ABCA4: variants seen among roughly 807,000 people sequenced by gnomAD.
ABCA4 encodes the protein retinal-specific phospholipid-transporting ATPase ABCA4.
In ABCA4, 196 loss-of-function variants were observed where a neutral mutation model predicts 263.7. The observed-to-expected ratio is 0.74, with a 90% CI of 0.66 to 0.84. The LOEUF (loss-of-function observed/expected upper bound fraction) is 0.84, where lower values mean the gene tolerates loss of function less well. ABCA4 is among the 40% of genes least tolerant of loss of function. The probability of loss-of-function intolerance (pLI) is 0.00; values close to 1 mark genes in which losing one functional copy is unlikely to be tolerated. For synonymous variants in ABCA4, 1,133 were observed against 1,094.2 expected, an observed-to-expected ratio of 1.04 and a Z score of -0.70; for missense variants, 2,792 against 2,855.1, an observed-to-expected ratio of 0.98 and a Z score of 0.50.
intron 7 of ABCA4, among the ~76,000 whole-genome samples, chr1:94,080,971 T>A (rs1469932638): frequency 6.6e-6 from 1 of 152,092 alleles, no homozygotes; most frequent in East Asian, 1.9e-4. Flanking sequence ...ATGCCTGTAA[T>A]CCTAGCACTT....
intron 6 of ABCA4, among the ~76,000 whole-genome samples, chr1:94,086,564 A>T (rs1397405230): frequency 6.6e-6 from 1 of 152,062 alleles, no homozygotes; most frequent in Admixed American, 6.5e-5. Flanking sequence ...TTTTTAAGAC[A>T]ACGAAGTAGT....
Position 94,098,956 on chromosome 1 carries a change from G to A in ABCA4, c.606C>T (p.Asp202=), listed in dbSNP as rs199745422. 57 of 1,611,718 alleles carry A rather than the reference G, an allele frequency of 3.5e-5. No individual in the cohort carries two copies. The highest frequency in any genetic ancestry group is 5.5e-5 in the South Asian group (5 of 91,076). Residue 202 remains aspartate (D), a synonymous_variant, in exon 6 of 50, where the codon GAC becomes GAT. Coordinates refer to ENST00000370225, the MANE Select transcript of ABCA4 (RefSeq NM_000350.3). The part of the protein sequence containing the change: ...AHGVPDLALK[D]IACSEALLER... Reference sequence around the variant, plus strand: ...CCAGGAGGGCCTCGCTGCAGGCGATGTCCTTCAGCGCCAGGTCCGGGACTC... The same window carrying A: ...CCAGGAGGGCCTCGCTGCAGGCGATATCCTTCAGCGCCAGGTCCGGGACTC...
Position 94,047,033 on chromosome 1 carries a change from ACC to A in ABCA4, c.2802_2803del (p.Val935LysfsTer4). 6.2e-7 allele frequency: 1 copy of A among 1,614,126 alleles called. No individual in the cohort carries two copies. The highest frequency in any genetic ancestry group is 8.5e-7 in the Non-Finnish European group (1 of 1,180,024). On this transcript the variant is annotated frameshift_variant, in exon 19 of 50. Coordinates refer to ENST00000370225, the MANE Select transcript of ABCA4 (RefSeq NM_000350.3). LOFTEE classifies it high-confidence loss of function. ...CCGGCCACAGGGCTCAAAAATCTTT[ACC>A]AGATTCTTCACGCATACCCCAGGAA... is the stretch of plus-strand genomic sequence containing the variant.
In ABCA4 at chr1:94,099,727, G is replaced by A. The variant is rs144320344; in HGVS notation, c.571-736C>T. On this transcript the variant is annotated intron_variant, in intron 5 of 49. Transcript: ENST00000370225. ...TACAAATATGTCCCAAATAGGGACC[G>A]AATAGAACACAATTATTTGAAAAAA... Among the ~76,000 whole-genome samples the A allele has an allele frequency of 3.2e-4, 48 of 152,324 alleles. 1 individual carries two copies. Among genetic ancestry groups the A allele is most frequent in the Middle Eastern group, 3.4e-3 (1 of 294 alleles).
intron 20 of ABCA4, 133 bp downstream of exon 20, chr1:94,044,480 G>A: frequency 7.2e-7 from 1 of 1,383,514 alleles, no homozygotes; most frequent in South Asian, 1.2e-5. Context: ...TTTAAACATA[G>A]GGGAAACCAA....
Position 94,041,319 on chromosome 1 carries a change from G to C in ABCA4, c.3412C>G (p.Leu1138Val). ...AAGAGTGGGGTGCCTGAGCAGTAGA[G>C]CCTTCCCTGGGCAATGATGGCAATG... ...DRIAIIAQGR[L>V]YCSGTPLFLK... Residue 1138 changes from leucine to valine, a missense_variant, in exon 23 of 50, where the codon CTC (leucine) becomes GTC (valine). Leu to Val is a conservative substitution (Grantham distance 32, BLOSUM62 1). Coordinates refer to ENST00000370225, the MANE Select transcript of ABCA4 (RefSeq NM_000350.3). 6.2e-7 allele frequency: 1 copy of C among 1,614,122 alleles called. No homozygotes were observed. The highest frequency in any genetic ancestry group is 8.5e-7 in the Non-Finnish European group (1 of 1,180,014).
intron 26 of ABCA4, among the ~76,000 whole-genome samples, chr1:94,032,324 T>C (rs1002342622): frequency 4.6e-5 from 7 of 152,164 alleles, no homozygotes; most frequent in African/African-American, 7.2e-5. Flanking sequence ...AAGTTTAAAA[T>C]ACGTAACTTG....
intron 4 of ABCA4, among the ~76,000 whole-genome samples, chr1:94,103,908 T>C (rs1662351077): frequency 6.6e-6 from 1 of 152,108 alleles, no homozygotes; most frequent in Non-Finnish European, 1.5e-5. Flanking sequence ...GGAAGCAGGG[T>C]TTCTTTATAA....
Position 94,015,812 on chromosome 1 carries a change from T to C in ABCA4, c.5239A>G (p.Ile1747Val), listed in dbSNP as rs745658425. The C allele has an allele frequency of 1.9e-6, 3 of 1,613,846 alleles. No individual in the cohort carries two copies. Among genetic ancestry groups the C allele is most frequent in the Middle Eastern group, 1.6e-4 (1 of 6,084 alleles). ...VSAGLVVGIF[I>V]GFQKKAYTSP... is the part of the protein sequence containing the mutation. ...GTGTAGGCTTTCTTCTGAAACCCGA[T>C]GAAGATGCCCACCACCAGCCCAGCA... The change falls in exon 37 of 50, where the codon ATC becomes GTC. Residue 1747 changes from isoleucine to valine, a missense_variant. Physicochemically the swap from Ile to Val is conservative, Grantham distance 29 (BLOSUM62 3). Coordinates refer to ENST00000370225, the MANE Select transcript of ABCA4 (RefSeq NM_000350.3).
At chr1:94,008,164 T>G in intron 42 of ABCA4, 71 bp downstream of exon 42, 1 of 1,382,202 alleles carries the variant, frequency 7.2e-7, no homozygotes, top group Non-Finnish European at 1.0e-6. Flanking sequence ...AGCTCTGCCT[T>G]ATGGGGAGGA....
intron 38 of ABCA4, among the ~76,000 whole-genome samples, chr1:94,014,192 AGAAAGAAG>A (rs1157820681): frequency 2.7e-5 from 4 of 147,066 alleles, no homozygotes; most frequent in African/African-American, 5.3e-5. Flanking sequence ...GAAAGAAGGA[AGAAAGAAG>A]GAAGGATGGA....
intron 4 of ABCA4, among the ~76,000 whole-genome samples, chr1:94,104,322 TG>T (rs1662363066): frequency 6.6e-6 from 1 of 152,194 alleles, no homozygotes; most frequent in Non-Finnish European, 1.5e-5. Flanking sequence ...TTCAGGGGCA[TG>T]GGTGACTGTT....
chr1:94,102,928 A>T, intron 5 of ABCA4, 87 bp downstream of exon 5: 1 of 1,573,178 alleles, frequency 6.4e-7, no homozygotes, highest in Non-Finnish European at 8.7e-7. Flanking sequence ...AGGAAGAAAG[A>T]AGAAAAAAGC....
At chr1:94,006,943 C>T (rs1318358961) in intron 43 of ABCA4, among the ~76,000 whole-genome samples, 1 of 152,238 alleles carries the variant, frequency 6.6e-6, no homozygotes, top group Admixed American at 6.5e-5. Flanking sequence ...TGAGTGAGAG[C>T]TCATCCTCTC....
At chr1:94,099,830 G>C (rs1051647509) in intron 5 of ABCA4, among the ~76,000 whole-genome samples, 1 of 152,226 alleles carries the variant, frequency 6.6e-6, no homozygotes, top group African/African-American at 2.4e-5. Flanking sequence ...AAGCCCTGCA[G>C]AGTGCACATT....
chr1:94,090,541 T>C (rs998307094), intron 6 of ABCA4, among the ~76,000 whole-genome samples: 2 of 152,032 alleles, frequency 1.3e-5, no homozygotes, highest in Non-Finnish European at 2.9e-5. Flanking sequence ...TACCTCACCT[T>C]CTCCAGAAAG....
intron 44 of ABCA4, among the ~76,000 whole-genome samples, chr1:94,002,768 A>G (rs1407475804): frequency 6.6e-6 from 1 of 152,010 alleles, no homozygotes; most frequent in Non-Finnish European, 1.5e-5. Flanking sequence ...CCTACCTCAA[A>G]ATGCAAACCC....
chr1:94,040,251 T>C, intron 23 of ABCA4, 124 bp from the exon 24 acceptor site: 2 of 792,340 alleles, frequency 2.5e-6, no homozygotes, highest in Non-Finnish European at 4.3e-6. Context: ...GTCAACACAT[T>C]TTTTTCTTCA....
At chr1:94,107,796 T>C (rs1361750994) in intron 4 of ABCA4, among the ~76,000 whole-genome samples, 1 of 152,152 alleles carries the variant, frequency 6.6e-6, no homozygotes, top group Non-Finnish European at 1.5e-5. Context: ...AATCCTGAAT[T>C]CACATATTTC....
Sources: gnomAD v4.1 joint callset for allele counts (sites outside exome capture counted in the v4.1 genomes callset) on GRCh38, gnomAD v4.1.1 for gene constraint, MANE v1.5 for transcripts, NCBI Gene and HGNC (gene_info 2026-07-23, HGNC 2026-07-21) for gene names.